Variants in ACADSB observed in about 807,000 individuals in gnomAD.
ACADSB encodes acyl-CoA dehydrogenase short/branched chain, also known as short/branched chain specific acyl-CoA dehydrogenase, mitochondrial.
Under a neutral mutation model 54.1 loss-of-function variants are expected in ACADSB, and 40 were observed. The observed-to-expected ratio is 0.74, with a 90% CI of 0.57 to 0.96. ACADSB has a LOEUF of 0.96. Among genes scored for constraint, ACADSB ranks in the 40% least tolerant of loss-of-function variants. The pLI is 0.00. For missense variants in ACADSB, 530 were observed against 510.4 expected (o/e 1.04, Z -0.37); for synonymous variants, 182 against 182.8 (o/e 1.00, Z 0.03).
rs1310180874 is a variant in ACADSB, at chr10:123,052,837, A to G, written c.1129-224A>G. 6.9e-6 allele frequency: 4 copies of G among 576,680 alleles called. No homozygotes were observed. The highest frequency in any genetic ancestry group is 1.9e-5 in the South Asian group (1 of 53,268). The allele number at this position is 576,680 out of a possible 1,614,324, so 35.7% of individuals were successfully genotyped here. A position where few individuals can be genotyped will look rare whatever the true frequency, so the allele number is the denominator to read the frequency against. ...CTCAGCATGCAGATTCATGTGAACAATGCTCTAATTTCTTAAGAAAATGGG... is the reference window on the plus strand; with the variant it reads ...CTCAGCATGCAGATTCATGTGAACAGTGCTCTAATTTCTTAAGAAAATGGG... On this transcript the variant is annotated intron_variant, in intron 9 of 10. Transcript: ENST00000358776. This position sits in a 1 kb window ranked among gnomAD's most constrained non-coding sequence, Gnocchi z 4.2.
chr10:123,047,696 CTACT>C (rs1432573606), intron 8 of ACADSB, among the ~76,000 whole-genome samples: 4 of 152,156 alleles, frequency 2.6e-5, no homozygotes, highest in African/African-American at 9.7e-5. Flanking sequence ...AAAGGTAAAA[CTACT>C]TACTTACCCC....
chr10:123,022,410 C>A (rs974375776), intron 1 of ACADSB, among the ~76,000 whole-genome samples: 2 of 152,200 alleles, frequency 1.3e-5, no homozygotes, highest in Non-Finnish European at 2.9e-5. Context: ...CACTGCCCCT[C>A]CCAGAAGGAG....
At position 123,051,200 on chromosome 10, in the gene ACADSB, A is replaced by G; in HGVS notation, c.1128+14A>G. On this transcript the variant is annotated intron_variant, in intron 9 of 10. Transcript: ENST00000358776. ...TATGCATCAGAGGTAAAAAAAAAAA[A>G]AAAAAAAAAAAAGGAAAAAGTAATT... 7.1e-7 allele frequency: 1 copy of G among 1,399,282 alleles called. No homozygotes were observed. 86.7% of individuals were successfully genotyped at this position (1,399,282 alleles called of 1,614,324 possible).
At position 123,053,719 on chromosome 10, in the gene ACADSB, A is replaced by G; in HGVS notation, c.1253A>G (p.Asn418Ser). The G allele has an allele frequency of 6.2e-7, 1 of 1,614,076 alleles. No homozygotes were observed. Among genetic ancestry groups the G allele is most frequent in the Non-Finnish European group, 8.5e-7 (1 of 1,179,938 alleles). The change falls in exon 11 of 11, where the codon AAC becomes AGC. Residue 418 changes from asparagine to serine, a missense_variant. Asn to Ser is a conservative substitution (Grantham distance 46). Transcript: ENST00000358776. Reference protein sequence around the residue: ...KIGTIYEGASNIQLNTIAKHI... With the variant: ...KIGTIYEGASSIQLNTIAKHI... ...GGTACGATATATGAAGGAGCTTCCA[A>G]CATCCAGTTGAACACCATTGCAAAG...
chr10:123,034,240 C>T (rs770923661), intron 1 of ACADSB, 116 bp from the exon 2 acceptor site: 58 of 1,059,864 alleles, frequency 5.5e-5, no homozygotes, highest in East Asian at 1.9e-4. Flanking sequence ...TTTAAAAATG[C>T]GCTAGGTTAA....
At chr10:123,027,349 A>G (rs1459418881) in intron 1 of ACADSB, among the ~76,000 whole-genome samples, 1 of 152,156 alleles carries the variant, frequency 6.6e-6, no homozygotes, top group East Asian at 1.9e-4. Context: ...TCGCCACCCA[A>G]ATCTCAACTT....
chr10:123,043,412 T>A (rs1170234263), intron 6 of ACADSB, among the ~76,000 whole-genome samples: 1 of 152,208 alleles, frequency 6.6e-6, no homozygotes, highest in Non-Finnish European at 1.5e-5. Context: ...TTCATCCCAT[T>A]TATGTTTTAT....
chr10:123,053,787 T>C lies in ACADSB; in HGVS notation c.*22T>C, dbSNP rs757966679. 3 of 1,600,538 alleles carry C rather than the reference T, an allele frequency of 1.9e-6. No homozygotes were observed. Among genetic ancestry groups the C allele is most frequent in the Non-Finnish European group, 2.6e-6 (3 of 1,167,660 alleles). ...CTGACGTCTATAGGAGTGGGACCCC[T>C]CCCTGGTGTCACTGCTGTAAAATTT... On this transcript the variant is annotated 3_prime_UTR_variant, in exon 11 of 11. Transcript: ENST00000358776.
chr10:123,040,684 T>C lies in ACADSB; in HGVS notation c.510+12T>C. 1 of 1,601,860 alleles carries C rather than the reference T, an allele frequency of 6.2e-7. No individual in the cohort carries two copies. The highest frequency in any genetic ancestry group is 2.2e-5 in the East Asian group (1 of 44,788). ...TCACTACAGAAAAAGTGAGTTGAGA[T>C]GAATTGTTGATCTAATGGATCTAAT... On this transcript the variant is annotated intron_variant, in intron 4 of 10. Transcript: ENST00000358776.
intron 1 of ACADSB, among the ~76,000 whole-genome samples, chr10:123,025,318 T>C (rs1850237219): frequency 6.7e-6 from 1 of 150,160 alleles, no homozygotes; most frequent in Admixed American, 6.7e-5. Flanking sequence ...CAACAAAAAA[T>C]TAGCTGGGAA....
intron 8 of ACADSB, among the ~76,000 whole-genome samples, chr10:123,050,476 A>C (rs1477790769): frequency 6.6e-6 from 1 of 152,212 alleles, no homozygotes. Context: ...TATAAATGTT[A>C]ATGTTTGTAT....
chr10:123,016,923 T>C (rs1850116541), intron 1 of ACADSB, among the ~76,000 whole-genome samples: 1 of 152,312 alleles, frequency 6.6e-6, no homozygotes, highest in East Asian at 1.9e-4. Context: ...GGCCAGCTAA[T>C]GGAGCTGGTG....
rs778550048 is a variant in ACADSB, at chr10:123,040,584, T to C, written c.422T>C (p.Ile141Thr). Reference protein sequence around the residue: ...VDASVAVFCEIQNTLINTLIR... With the variant: ...VDASVAVFCETQNTLINTLIR... ...GCATCTGTGGCTGTCTTTTGTGAGA[T>C]CCAGAACACATTAATTAACACACTG... The change falls in exon 4 of 11, where the codon ATC becomes ACC. Residue 141 changes from isoleucine to threonine, a missense_variant. Coordinates refer to ENST00000358776, the MANE Select transcript of ACADSB (RefSeq NM_001609.4). The C allele has an allele frequency of 6.2e-7, 1 of 1,614,038 alleles. No homozygotes were observed. Among genetic ancestry groups the C allele is most frequent in the South Asian group, 1.1e-5 (1 of 91,070 alleles).
At chr10:123,022,789 A>C (rs1251524817) in intron 1 of ACADSB, among the ~76,000 whole-genome samples, 1 of 152,254 alleles carries the variant, frequency 6.6e-6, no homozygotes, top group African/African-American at 2.4e-5. Context: ...GCATTTATAC[A>C]TAAGAACATT....
intron 1 of ACADSB, among the ~76,000 whole-genome samples, chr10:123,020,095 A>T (rs1441482242): frequency 6.6e-6 from 1 of 152,188 alleles, no homozygotes; most frequent in African/African-American, 2.4e-5. Flanking sequence ...TTTATTTCCT[A>T]TGCATAATGA....
chr10:123,012,286 A>AT (rs1452118240), intron 1 of ACADSB, among the ~76,000 whole-genome samples: 1 of 152,170 alleles, frequency 6.6e-6, no homozygotes, highest in East Asian at 1.9e-4. Context: ...AACCAGAAGT[A>AT]TTTTTTCTGG....
chr10:123,029,952 C>T (rs1850304749), intron 1 of ACADSB, among the ~76,000 whole-genome samples: 1 of 152,144 alleles, frequency 6.6e-6, no homozygotes, highest in African/African-American at 2.4e-5. Context: ...CTGGGGAAGA[C>T]TTTCTTCACA....
rs552850544 is a variant in ACADSB, at chr10:123,053,121, G to A, written c.1189G>A (p.Asp397Asn). ...GATGGGGGGAGTAGGCTACACCAAAGATTACCCTGTGGAGAAATACTTCCG... is the reference window on the plus strand; with the variant it reads ...GATGGGGGGAGTAGGCTACACCAAAAATTACCCTGTGGAGAAATACTTCCG... ...EWMGGVGYTK[D>N]YPVEKYFRDA... The change falls in exon 10 of 11, where the codon GAT becomes AAT. Residue 397 changes from aspartate (D) to asparagine (N), a missense_variant. Asp to Asn is a conservative substitution (Grantham distance 23). Coordinates refer to ENST00000358776, the MANE Select transcript of ACADSB (RefSeq NM_001609.4). 2 of 1,613,922 alleles carry A rather than the reference G, an allele frequency of 1.2e-6. No homozygotes were observed. The highest frequency in any genetic ancestry group is 2.7e-5 in the African/African-American group (2 of 74,984).
intron 1 of ACADSB, among the ~76,000 whole-genome samples, chr10:123,010,474 T>C (rs1850010295): frequency 6.6e-6 from 1 of 152,226 alleles, no homozygotes. Context: ...ATTAGCTAAA[T>C]TGATTGAACA....
Sources: allele counts gnomAD v4.1 joint callset (sites outside exome capture counted in the v4.1 genomes callset), GRCh38; gene constraint gnomAD v4.1.1; non-coding constraint Gnocchi (gnomAD v3.1); transcripts MANE v1.5; gene names NCBI Gene and HGNC (gene_info 2026-07-23, HGNC 2026-07-21).